Variants in DCAF12 observed in about 807,000 individuals in gnomAD.
DCAF12 encodes the protein DDB1- and CUL4-associated factor 12.
DCAF12 carries 28 observed loss-of-function variants against 52.8 expected under a neutral mutation model. The observed-to-expected ratio is 0.53, with a 90% CI of 0.39 to 0.73. The LOEUF (loss-of-function observed/expected upper bound fraction) is 0.73, where lower values mean the gene tolerates loss of function less well. Ranked by LOEUF, DCAF12 falls within the 30% of genes least tolerant of loss-of-function variation. The pLI, the probability that DCAF12 is intolerant of heterozygous loss-of-function variation, is 0.00. For missense variants in DCAF12, 425 were observed against 552.2 expected (o/e 0.77, Z 2.31); for synonymous variants, 196 against 215.5 (o/e 0.91, Z 0.79).
At position 34,088,437 on chromosome 9, in the gene DCAF12, G is replaced by A. The variant is rs1828593845; in HGVS notation, c.1275C>T (p.Cys425=). The change falls in exon 9 of 9, where the codon TGC becomes TGT. Residue 425 remains cysteine (C), a synonymous_variant. Coordinates refer to ENST00000361264, the MANE Select transcript of DCAF12 (RefSeq NM_015397.4). ...AGAGTTTCGTTCCAGACGAGTCGTA[G>A]CAGTGGGTGTAAACAGCATTGGGGA... ...DFFPNAVYTH[C]YDSSGTKLFV... is the part of the protein sequence containing the mutation. The A allele has an allele frequency of 1.9e-6, 3 of 1,614,190 alleles. No individual in the cohort carries two copies. Among genetic ancestry groups the A allele is most frequent in the South Asian group, 1.1e-5 (1 of 91,084 alleles).
At chr9:34,116,752 G>A (rs1233610068) in intron 2 of DCAF12, among the ~76,000 whole-genome samples, 2 of 152,106 alleles carry the variant, frequency 1.3e-5, no homozygotes, top group African/African-American at 4.8e-5. Flanking sequence ...AGGCTGAGGG[G>A]GGCAGATCAC....
Position 34,088,855 on chromosome 9 carries a change from A to C in DCAF12, c.1204-347T>G, listed in dbSNP as rs552633847. ...TGGGGCGCAGTGGTTCATGGCTGTA[A>C]TCCCAGAATTTTAGGAGGCCAAGGT... On this transcript the variant is annotated intron_variant, in intron 8 of 8. Transcript: ENST00000361264. 1.3e-5 allele frequency among the ~76,000 whole-genome samples: 2 copies of C among 152,136 alleles called. 1 individual carries two copies. The highest frequency in any genetic ancestry group is 4.8e-5 in the African/African-American group (2 of 41,520).
intron 4 of DCAF12, among the ~76,000 whole-genome samples, chr9:34,104,855 T>C (rs181209541): frequency 1.4e-4 from 20 of 148,070 alleles, no homozygotes; most frequent in Non-Finnish European, 2.2e-4. Context: ...GAGGCGGAGG[T>C]TGCAGTGAGC....
intron 2 of DCAF12, among the ~76,000 whole-genome samples, chr9:34,124,703 T>A (rs988620499): frequency 9.8e-5 from 15 of 152,300 alleles, no homozygotes; most frequent in Non-Finnish European, 2.2e-4. Flanking sequence ...CTTAAATCTT[T>A]CCTTTGAGGC....
intron 5 of DCAF12, 99 bp from the exon 6 acceptor site, chr9:34,096,880 G>A: frequency 9.9e-7 from 1 of 1,014,938 alleles, no homozygotes; most frequent in Non-Finnish European, 1.5e-6. Context: ...CTTTATTCCT[G>A]TCTCGTGATG....
At chr9:34,098,911 G>C (rs1828783436) in intron 4 of DCAF12, among the ~76,000 whole-genome samples, 1 of 151,550 alleles carries the variant, frequency 6.6e-6, no homozygotes, top group African/African-American at 2.4e-5. Context: ...TGGGATTACA[G>C]GTGCCTGCTC....
chr9:34,118,678 A>G (rs748840717), intron 2 of DCAF12, among the ~76,000 whole-genome samples: 2 of 152,076 alleles, frequency 1.3e-5, no homozygotes, highest in African/African-American at 2.4e-5. Flanking sequence ...AATAATGATA[A>G]TATGGCCGGG....
At chr9:34,123,759 C>G (rs545484028) in intron 2 of DCAF12, among the ~76,000 whole-genome samples, 2 of 152,040 alleles carry the variant, frequency 1.3e-5, no homozygotes, top group Admixed American at 6.6e-5. Context: ...CTATGATGCA[C>G]GTGCGGGGAG....
At chr9:34,090,843 A>G (rs773345366) in intron 7 of DCAF12, among the ~76,000 whole-genome samples, 11 of 151,712 alleles carry the variant, frequency 7.3e-5, no homozygotes, top group South Asian at 4.2e-4. Flanking sequence ...TTTTTAGTAG[A>G]GACAGGGTTT....
Position 34,126,495 on chromosome 9 carries a change from G to A in DCAF12, c.-64C>T. 2 of 1,558,776 alleles carry A rather than the reference G, an allele frequency of 1.3e-6. No individual in the cohort carries two copies. The highest frequency in any genetic ancestry group is 1.1e-5 in the South Asian group (1 of 86,960). On this transcript the variant is annotated 5_prime_UTR_variant, in exon 1 of 9. Coordinates refer to ENST00000361264, the MANE Select transcript of DCAF12 (RefSeq NM_015397.4). Reference sequence around the variant, plus strand: ...CGGGGGAAGCGAAGGATAGCAGGACGGCGGGTCATATACTGGGCCCCGGGG... The same window carrying A: ...CGGGGGAAGCGAAGGATAGCAGGACAGCGGGTCATATACTGGGCCCCGGGG...
At position 34,088,204 on chromosome 9, in the gene DCAF12, T is replaced by C; in HGVS notation, c.*146A>G. On this transcript the variant is annotated 3_prime_UTR_variant, in exon 9 of 9. Coordinates refer to ENST00000361264, the MANE Select transcript of DCAF12 (RefSeq NM_015397.4). ...TTTCAGATTTCTGTACAGAGCTTCTTCCTATTAAGTGCCTAAACTATAGGC... is the reference window on the plus strand; with the variant it reads ...TTTCAGATTTCTGTACAGAGCTTCTCCCTATTAAGTGCCTAAACTATAGGC... 1.3e-6 allele frequency: 1 copy of C among 782,278 alleles called. No homozygotes were observed. Among genetic ancestry groups the C allele is most frequent in the South Asian group, 2.8e-5 (1 of 36,350 alleles). The allele number at this position is 782,278 out of a possible 1,614,324, so 48.5% of individuals were successfully genotyped here.
intron 2 of DCAF12, among the ~76,000 whole-genome samples, chr9:34,108,829 A>ATATATATATATG (rs1382211534): frequency 6.8e-6 from 1 of 146,970 alleles, no homozygotes; most frequent in Non-Finnish European, 1.5e-5. Flanking sequence ...ATATATATAT[A>ATATATATATATG]TGAATGAGGT....
chr9:34,090,859 T>C (rs1053191643), intron 7 of DCAF12, among the ~76,000 whole-genome samples: 1 of 151,804 alleles, frequency 6.6e-6, no homozygotes, highest in Non-Finnish European at 1.5e-5. Context: ...GGTTTCACCA[T>C]GTTGATCAGG....
rs1400970105 is a variant in DCAF12 at position 34,126,370 on chromosome 9, T to C, written c.62A>G (p.Asp21Gly). 3 of 1,612,422 alleles carry C rather than the reference T, an allele frequency of 1.9e-6. No homozygotes were observed. Among genetic ancestry groups the C allele is most frequent in the Non-Finnish European group, 2.5e-6 (3 of 1,179,798 alleles). Residue 21 changes from aspartate to glycine, a missense_variant, in exon 1 of 9, where the codon GAC becomes GGC. Physicochemically the swap from Asp to Gly is moderately conservative, Grantham distance 94. Around this residue, in one of 3 missense-constraint regions of DCAF12, gnomAD observed 89 missense variants for 84.9 expected, o/e 1.05. Coordinates refer to ENST00000361264, the MANE Select transcript of DCAF12 (RefSeq NM_015397.4). ...KAPASPGAGS[D>G]AQGPQFGWDH... is the part of the protein sequence containing the mutation. ...AACCCTCACCTGCGGGCCCTGAGCG[T>C]CGCTCCCAGCTCCCGGCGAGGCGGG...
At chr9:34,109,712 G>T in intron 2 of DCAF12, 1 of 218,466 alleles carries the variant, frequency 4.6e-6, no homozygotes, top group Non-Finnish European at 9.4e-6. Context: ...CGGGGGAATA[G>T]GACCCTGTTC....
intron 4 of DCAF12, among the ~76,000 whole-genome samples, chr9:34,106,097 TAAG>T (rs1376392784): frequency 6.6e-6 from 1 of 151,398 alleles, no homozygotes; most frequent in Non-Finnish European, 1.5e-5. Context: ...TTACACTAAA[TAAG>T]AAATTATTAT....
chr9:34,090,616 A>G (rs1178268642), intron 7 of DCAF12, among the ~76,000 whole-genome samples: 1 of 151,958 alleles, frequency 6.6e-6, no homozygotes, highest in Non-Finnish European at 1.5e-5. Context: ...AGTACCAAAA[A>G]TCTCTTAAAA....
intron 7 of DCAF12, 128 bp downstream of exon 7, chr9:34,093,158 C>G (rs1828673344): frequency 7.9e-7 from 1 of 1,270,190 alleles, no homozygotes; most frequent in African/African-American, 1.5e-5. Context: ...CATCGCTCCC[C>G]TTTTTGAACA....
At chr9:34,113,311 G>A (rs771525910) in intron 2 of DCAF12, among the ~76,000 whole-genome samples, 3 of 151,876 alleles carry the variant, frequency 2.0e-5, no homozygotes, top group Non-Finnish European at 4.4e-5. Flanking sequence ...TTTGGCCTCC[G>A]AAAGTGCTGG....
Sources: allele counts gnomAD v4.1 joint callset (sites outside exome capture counted in the v4.1 genomes callset), GRCh38; gene constraint gnomAD v4.1.1; regional missense constraint gnomAD v4.1.1; transcripts MANE v1.5; gene names NCBI Gene and HGNC (gene_info 2026-07-23, HGNC 2026-07-21).